SPNS3: variants seen among roughly 807,000 people sequenced by gnomAD.
SPNS3 encodes the protein protein spinster homolog 3.
SPNS3 carries 51 observed loss-of-function variants against 54.4 expected under a neutral mutation model. That is an observed-to-expected ratio of 0.94 (90% CI 0.75 to 1.18). SPNS3 has a LOEUF of 1.18. SPNS3 is among the 50% of genes most tolerant of loss of function. SPNS3 has a pLI of 0.00. For missense variants in SPNS3, 669 were observed against 677.4 expected, an observed-to-expected ratio of 0.99 and a Z score of 0.14; for synonymous variants, 309 against 294.7, an observed-to-expected ratio of 1.05 and a Z score of -0.50.
intron 8 of SPNS3, among the ~76,000 whole-genome samples, chr17:4,465,864 G>C (rs1971662533): frequency 6.6e-6 from 1 of 152,202 alleles, no homozygotes; most frequent in Non-Finnish European, 1.5e-5. Flanking sequence ...CTTCTCTTCT[G>C]TCCCCTGGGC....
At chr17:4,445,504 T>C (rs911470277) in intron 3 of SPNS3, among the ~76,000 whole-genome samples, 5 of 151,774 alleles carry the variant, frequency 3.3e-5, no homozygotes, top group African/African-American at 9.7e-5. Flanking sequence ...GCCTCCAGAG[T>C]AGCTGGGATA....
intron 2 of SPNS3, among the ~76,000 whole-genome samples, chr17:4,444,375 T>A (rs1400576931): frequency 6.6e-6 from 1 of 151,798 alleles, no homozygotes; most frequent in African/African-American, 2.4e-5. Context: ...CCATCACACC[T>A]GGCTAATTTT....
intron 2 of SPNS3, among the ~76,000 whole-genome samples, chr17:4,441,983 AGTGTGTGT>A (rs373836833): frequency 7.2e-5 from 10 of 138,998 alleles, no homozygotes; most frequent in African/African-American, 2.2e-4. Flanking sequence ...CGGAGGGAGA[AGTGTGTGT>A]GTGTGTGTGT....
rs150162362 is a variant in SPNS3, at chr17:4,438,053, C to T, written c.200-1605C>T. Among the ~76,000 whole-genome samples, 634 of 152,366 alleles carry T rather than the reference C, an allele frequency of 4.2e-3. 2 individuals are homozygous for T. Among genetic ancestry groups the T allele is most frequent in the Middle Eastern group, 0.01 (3 of 294 alleles). On this transcript the variant is annotated intron_variant, in intron 1 of 11. Coordinates refer to ENST00000355530, the MANE Select transcript of SPNS3 (RefSeq NM_182538.5). ...CTGCCGGCCTCGGCCTCCCAAAGTG[C>T]TGGGATTACAGGCGTGAGCCACCAC...
intron 8 of SPNS3, among the ~76,000 whole-genome samples, chr17:4,475,264 G>C (rs1257255085): frequency 1.3e-5 from 2 of 152,204 alleles, no homozygotes; most frequent in African/African-American, 2.4e-5. Flanking sequence ...AGGGTGCAGG[G>C]AGGCCACACA....
At chr17:4,487,612 C>T (rs1192911903) in intron 11 of SPNS3, among the ~76,000 whole-genome samples, 194 bp from the exon 12 acceptor site, 2 of 152,224 alleles carry the variant, frequency 1.3e-5, no homozygotes, top group East Asian at 1.9e-4. Flanking sequence ...GAGGCATAGC[C>T]GACTCCCCTT....
rs147345723 is a variant in SPNS3, at chr17:4,453,184, G to A, written c.1092G>A (p.Pro364=). 4.2e-5 allele frequency: 68 copies of A among 1,613,074 alleles called. No homozygotes were observed. Among genetic ancestry groups the A allele is most frequent in the South Asian group, 1.8e-4 (16 of 91,022 alleles). Residue 364 remains proline (P), a synonymous_variant, in exon 8 of 12, where the codon CCG becomes CCA. Coordinates refer to ENST00000355530, the MANE Select transcript of SPNS3 (RefSeq NM_182538.5). ...TCTACCTGGCTCTCGTCCTGGCCCC[G>A]ACCACCCTGCTGGCCTCCTATGTAA... is the stretch of plus-strand genomic sequence containing the variant. The part of the protein sequence containing the change: ...PCLYLALVLA[P]TTLLASYVFL...
chr17:4,439,656 A>C lies in SPNS3; in HGVS notation c.200-2A>C, dbSNP rs1257054956. ...TCCTGAGCACTGTCCCTCTGTCTGCAGGAGTGCTGCTGGATATACAGGAGG... is the reference window on the plus strand; with the variant it reads ...TCCTGAGCACTGTCCCTCTGTCTGCCGGAGTGCTGCTGGATATACAGGAGG... On this transcript the variant is annotated splice_acceptor_variant, in intron 1 of 11. Coordinates refer to ENST00000355530, the MANE Select transcript of SPNS3 (RefSeq NM_182538.5). LOFTEE classifies it high-confidence loss of function. 4 of 1,612,678 alleles carry C rather than the reference A, an allele frequency of 2.5e-6. No individual in the cohort carries two copies. In the South Asian group the frequency reaches 4.4e-5, roughly 18 times the overall value.
intron 8 of SPNS3, among the ~76,000 whole-genome samples, chr17:4,455,786 G>A (rs891779875): frequency 1.3e-5 from 2 of 152,190 alleles, no homozygotes; most frequent in African/African-American, 2.4e-5. Context: ...CAGATGACAT[G>A]CATCTGAGTG....
At chr17:4,466,614 G>A (rs1481627252) in intron 8 of SPNS3, among the ~76,000 whole-genome samples, 1 of 149,948 alleles carries the variant, frequency 6.7e-6, no homozygotes, top group Non-Finnish European at 1.5e-5. Flanking sequence ...GGCCGAGGCA[G>A]GCAGATCACT....
chr17:4,464,881 A>T (rs1051362934), intron 8 of SPNS3, among the ~76,000 whole-genome samples: 1 of 152,048 alleles, frequency 6.6e-6, no homozygotes, highest in Non-Finnish European at 1.5e-5. Flanking sequence ...GGGTTTCACC[A>T]TGTTGGCCAG....
intron 8 of SPNS3, among the ~76,000 whole-genome samples, chr17:4,478,161 G>A (rs1326519290): frequency 1.3e-5 from 2 of 151,712 alleles, no homozygotes; most frequent in African/African-American, 2.4e-5. Flanking sequence ...TAGTAGAGAT[G>A]GGGTTTTACC....
At chr17:4,441,293 C>T (rs375284274) in intron 2 of SPNS3, among the ~76,000 whole-genome samples, 34 of 151,954 alleles carry the variant, frequency 2.2e-4, no homozygotes, top group South Asian at 1.0e-3. Flanking sequence ...GAGGCAGAGG[C>T]GGGAGAATAG....
chr17:4,477,682 C>T (rs1972039599), intron 8 of SPNS3, among the ~76,000 whole-genome samples: 1 of 152,144 alleles, frequency 6.6e-6, no homozygotes. Flanking sequence ...CAGGCTTTAC[C>T]CAGGGGCAGC....
At chr17:4,439,831 GCA>G in intron 2 of SPNS3, 108 bp downstream of exon 2, 1 of 1,032,696 alleles carries the variant, frequency 9.7e-7, no homozygotes, top group Non-Finnish European at 1.4e-6. Flanking sequence ...GGGTCCCCTG[GCA>G]CAGAGGGTGG....
chr17:4,467,814 T>A (rs1971723813), intron 8 of SPNS3, among the ~76,000 whole-genome samples: 1 of 152,160 alleles, frequency 6.6e-6, no homozygotes, highest in Admixed American at 6.5e-5. Context: ...TACAGGCACC[T>A]GCCACCATGC....
chr17:4,484,501 A>T (rs1369430672), intron 9 of SPNS3, among the ~76,000 whole-genome samples: 1 of 152,022 alleles, frequency 6.6e-6, no homozygotes, highest in Non-Finnish European at 1.5e-5. Flanking sequence ...TTGTATTTTT[A>T]GTAGAGATGG....
chr17:4,457,741 C>G (rs977573835), intron 8 of SPNS3, among the ~76,000 whole-genome samples: 1 of 146,696 alleles, frequency 6.8e-6, no homozygotes, highest in Non-Finnish European at 1.5e-5. Context: ...GACACAGCTG[C>G]CCCCCCCTCA....
chr17:4,471,085 C>T (rs1164345646), intron 8 of SPNS3, among the ~76,000 whole-genome samples: 1 of 152,150 alleles, frequency 6.6e-6, no homozygotes, highest in East Asian at 1.9e-4. Context: ...ACACCACGCC[C>T]AGCTAATTTT....
Sources: allele counts gnomAD v4.1 joint callset (sites outside exome capture counted in the v4.1 genomes callset), GRCh38; gene constraint gnomAD v4.1.1; transcripts MANE v1.5; gene names NCBI Gene and HGNC (gene_info 2026-07-23, HGNC 2026-07-21).